The following ST18 variants were observed in gnomAD, a reference collection of about 807,000 sequenced individuals.
The protein encoded by ST18 is suppression of tumorigenicity 18 protein.
A neutral mutation model predicts 110.0 loss-of-function variants in ST18; 50 were observed. That is an observed-to-expected ratio of 0.45 (90% CI 0.36 to 0.58). The LOEUF (loss-of-function observed/expected upper bound fraction) is 0.58. Among genes scored for constraint, ST18 ranks in the 20% least tolerant of loss-of-function variants. The pLI, the probability that ST18 is intolerant of heterozygous loss-of-function variation, is 0.00. For missense variants in ST18, 1,306 were observed against 1,280.1 expected, an observed-to-expected ratio of 1.02 and a Z score of -0.31; for synonymous variants, 461 against 452.4, an observed-to-expected ratio of 1.02 and a Z score of -0.24.
At chr8:52,242,907 G>T (rs1260044210) in intron 2 of ST18, among the ~76,000 whole-genome samples, 1 of 151,920 alleles carries the variant, frequency 6.6e-6, no homozygotes, top group African/African-American at 2.4e-5. Flanking sequence ...AGAGTGGTTG[G>T]CTCTATGTCA....
chr8:52,355,055 G>T (rs1160754812), intron 2 of ST18, among the ~76,000 whole-genome samples: 1 of 152,130 alleles, frequency 6.6e-6, no homozygotes, highest in Non-Finnish European at 1.5e-5. Context: ...GCAGCACAGG[G>T]GTATTGGCCC....
intron 11 of ST18, among the ~76,000 whole-genome samples, chr8:52,165,567 T>C (rs2062707567): frequency 6.6e-6 from 1 of 152,242 alleles, no homozygotes; most frequent in Non-Finnish European, 1.5e-5. Context: ...GTTTGTCATA[T>C]AGTTCTTTCT....
chr8:52,373,959 C>A (rs1370640959), intron 2 of ST18, among the ~76,000 whole-genome samples: 1 of 152,122 alleles, frequency 6.6e-6, no homozygotes, highest in East Asian at 1.9e-4. Flanking sequence ...ACTCCTCACA[C>A]TCCAGGGCGA....
At chr8:52,375,497 A>G (rs570310671) in intron 2 of ST18, among the ~76,000 whole-genome samples, 1 of 152,240 alleles carries the variant, frequency 6.6e-6, no homozygotes, top group Non-Finnish European at 1.5e-5. Flanking sequence ...CTCTTCTCTT[A>G]GCTTTCAGGA....
intron 2 of ST18, among the ~76,000 whole-genome samples, chr8:52,234,146 T>C (rs1265761573): frequency 6.6e-6 from 1 of 152,202 alleles, no homozygotes; most frequent in Non-Finnish European, 1.5e-5. Context: ...TTCCAAAAAA[T>C]GCCTTAGAAG....
At chr8:52,292,336 C>G (rs1043709851) in intron 2 of ST18, among the ~76,000 whole-genome samples, 1 of 152,080 alleles carries the variant, frequency 6.6e-6, no homozygotes, top group Non-Finnish European at 1.5e-5. Flanking sequence ...CATCATATGA[C>G]AGTGGGAAGA....
intron 2 of ST18, among the ~76,000 whole-genome samples, chr8:52,403,127 T>C (rs1843313259): frequency 6.6e-6 from 1 of 151,854 alleles, no homozygotes; most frequent in Admixed American, 6.5e-5. Context: ...ATGGGGGAAA[T>C]GGGGTGGCTT....
At chr8:52,236,275 G>A (rs542514422) in intron 2 of ST18, among the ~76,000 whole-genome samples, 5 of 152,248 alleles carry the variant, frequency 3.3e-5, no homozygotes, top group Non-Finnish European at 5.9e-5. Context: ...AACTTAAGGT[G>A]AGCAAACTTA....
intron 24 of ST18, among the ~76,000 whole-genome samples, 194 bp downstream of exon 24, chr8:52,118,144 A>G (rs1334581005): frequency 6.6e-6 from 1 of 152,214 alleles, no homozygotes; most frequent in African/African-American, 2.4e-5. Flanking sequence ...AAGCTTGCCC[A>G]GAGCTACTGA....
intron 8 of ST18, among the ~76,000 whole-genome samples, chr8:52,196,444 C>T (rs2076200020): frequency 6.6e-6 from 1 of 152,198 alleles, no homozygotes; most frequent in Admixed American, 6.5e-5. Context: ...CTGCATTCGT[C>T]CTGTGAGGAC....
rs890621667 is a variant in ST18 at position 52,286,733 on chromosome 8, C to A, written c.-464-56656G>T. On this transcript the variant is annotated intron_variant, in intron 2 of 25. Transcript: ENST00000689386. ...ACTCAACAATTCATGCTCATTGCAC[C>A]AAGCCATACTTCTTCAAAGCAATGG... Among the ~76,000 whole-genome samples the A allele has an allele frequency of 3.3e-5, 5 of 151,048 alleles. No individual in the cohort carries two copies. In the South Asian group the frequency reaches 1.1e-3, roughly 32 times the overall value.
chr8:52,370,301 C>T (rs1829784719), intron 2 of ST18, among the ~76,000 whole-genome samples: 1 of 151,738 alleles, frequency 6.6e-6, no homozygotes, highest in African/African-American at 2.4e-5. Context: ...ACACAAACAC[C>T]TAATGGGAAA....
intron 13 of ST18, among the ~76,000 whole-genome samples, chr8:52,163,343 C>T (rs2061942566): frequency 6.6e-6 from 1 of 152,066 alleles, no homozygotes; most frequent in African/African-American, 2.4e-5. Flanking sequence ...TAGCTTAATC[C>T]TGAAATCATT....
intron 4 of ST18, 97 bp from the exon 5 acceptor site, chr8:52,220,945 T>C (rs2086397471): frequency 1.3e-5 from 2 of 152,326 alleles, no homozygotes; most frequent in South Asian, 4.1e-4. Context: ...CAACAAAGTG[T>C]TGACACTTAT....
chr8:52,363,728 G>GA (rs1274764298), intron 2 of ST18, among the ~76,000 whole-genome samples: 1 of 152,038 alleles, frequency 6.6e-6, no homozygotes, highest in Non-Finnish European at 1.5e-5. Flanking sequence ...TAATGTAGAA[G>GA]AATTCAAGTG....
intron 24 of ST18, 103 bp from the exon 25 acceptor site, chr8:52,116,521 G>T: frequency 9.0e-7 from 1 of 1,115,432 alleles, no homozygotes; most frequent in Non-Finnish European, 1.3e-6. Context: ...AATACTAAGA[G>T]ATGCAGAGAT....
intron 12 of ST18, among the ~76,000 whole-genome samples, chr8:52,164,719 T>C (rs1422546538): frequency 1.3e-5 from 2 of 152,244 alleles, no homozygotes; most frequent in Non-Finnish European, 2.9e-5. Context: ...ACCTGATTTA[T>C]AGTTACAACC....
At chr8:52,265,223 A>G (rs1222761093) in intron 2 of ST18, among the ~76,000 whole-genome samples, 2 of 152,210 alleles carry the variant, frequency 1.3e-5, no homozygotes, top group African/African-American at 4.8e-5. Context: ...AGCCTGGTAT[A>G]TTTGAAAGAA....
intron 9 of ST18, among the ~76,000 whole-genome samples, chr8:52,175,138 A>T (rs1414929930): frequency 6.6e-6 from 1 of 152,144 alleles, no homozygotes; most frequent in Non-Finnish European, 1.5e-5. Flanking sequence ...GCACCACCGT[A>T]GGCACATTGA....
Sources: gnomAD v4.1 joint callset for allele counts (sites outside exome capture counted in the v4.1 genomes callset) on GRCh38, gnomAD v4.1.1 for gene constraint, MANE v1.5 for transcripts, NCBI Gene and HGNC (gene_info 2026-07-23, HGNC 2026-07-21) for gene names.